Variants in IDH1 observed in about 807,000 individuals in gnomAD.
The protein encoded by IDH1 is isocitrate dehydrogenase (NADP(+)) 1.
A neutral mutation model predicts 46.1 loss-of-function variants in IDH1; 33 were observed. The ratio of observed to expected loss-of-function variants is 0.72; its 90% CI spans 0.54 to 0.96. The LOEUF is 0.96. Ranked by LOEUF, IDH1 falls within the 40% of genes least tolerant of loss-of-function variation. The probability of loss-of-function intolerance (pLI) is 0.00; values close to 1 mark genes in which losing one functional copy is unlikely to be tolerated. For missense variants in IDH1, 421 were observed against 515.7 expected (o/e 0.82, Z 1.78); for synonymous variants, 144 against 172.8 (o/e 0.83, Z 1.31).
intron 9 of IDH1, 134 bp downstream of exon 9, chr2:208,238,937 A>G: frequency 2.4e-6 from 2 of 829,384 alleles, no homozygotes; most frequent in Admixed American, 4.1e-5. Flanking sequence ...CTATCTGACA[A>G]TTTACAGATA....
Position 208,246,139 on chromosome 2 carries a change from G to A in IDH1, c.415-715C>T, listed in dbSNP as rs571368383. On this transcript the variant is annotated intron_variant, in intron 4 of 9. Transcript: ENST00000345146. ...ATGGAGCAATCAAATCATTCTGGGAGCAGCTACAATGGGATGATGATGATT... is the reference window on the plus strand; with the variant it reads ...ATGGAGCAATCAAATCATTCTGGGAACAGCTACAATGGGATGATGATGATT... Among the ~76,000 whole-genome samples, 4 of 152,272 alleles carry A rather than the reference G, an allele frequency of 2.6e-5. No individual in the cohort carries two copies. In the South Asian group the frequency reaches 8.3e-4, roughly 32 times the overall value.
At chr2:208,240,184 G>A in intron 7 of IDH1, 181 bp from the exon 8 acceptor site, 1 of 675,094 alleles carries the variant, frequency 1.5e-6, no homozygotes, top group Non-Finnish European at 2.7e-6. Context: ...AGATATCAGA[G>A]CCAATGGGTC....
intron 2 of IDH1, among the ~76,000 whole-genome samples, chr2:208,251,855 A>G (rs1688131803): frequency 6.6e-6 from 1 of 150,810 alleles, no homozygotes; most frequent in Non-Finnish European, 1.5e-5. Context: ...TACTTTGTTA[A>G]AAAAAAAAGA....
intron 1 of IDH1, 84 bp from the exon 2 acceptor site, chr2:208,254,043 C>A (rs1688169699): frequency 6.6e-6 from 1 of 152,152 alleles, no homozygotes; most frequent in African/African-American, 2.4e-5. Context: ...GCCAGACAGC[C>A]CAGTTTATCC....
At chr2:208,245,473 G>T in intron 4 of IDH1, 49 bp from the exon 5 acceptor site, 1 of 974,154 alleles carries the variant, frequency 1.0e-6, no homozygotes, top group Non-Finnish European at 1.7e-6. Context: ...ACCCTAGCAG[G>T]AATTGTAAGG....
At position 208,239,952 on chromosome 2, in the gene IDH1, T is replaced by C; in HGVS notation, c.902A>G (p.Lys301Arg). ...GTGGGCAGCCTCTGCTTCTACTGTC[T>C]TGCCATCTGGACAAACCAGCACGCT... ...MTSVLVCPDG[K>R]TVEAEAAHGT... is the part of the protein sequence containing the mutation. Residue 301 changes from lysine (K) to arginine (R), a missense_variant, in exon 8 of 10, where the codon AAG (lysine) becomes AGG (arginine). Physicochemically the swap from Lys to Arg is conservative, Grantham distance 26 (BLOSUM62 2). Transcript: ENST00000345146. 1 of 1,614,182 alleles carries C rather than the reference T, an allele frequency of 6.2e-7. No individual in the cohort carries two copies. The highest frequency in any genetic ancestry group is 8.5e-7 in the Non-Finnish European group (1 of 1,180,022).
chr2:208,240,240 C>T (rs1379536076), intron 7 of IDH1: 6 of 552,066 alleles, frequency 1.1e-5, no homozygotes, highest in African/African-American at 5.6e-5. Context: ...GATACCTACT[C>T]CTTGATGGAG....
chr2:208,247,548 G>C (rs1322010209), intron 4 of IDH1: 2 of 152,280 alleles, frequency 1.3e-5, no homozygotes, highest in African/African-American at 4.8e-5. Flanking sequence ...GGATCCTCAG[G>C]CCTCAGCCTT....
intron 9 of IDH1, among the ~76,000 whole-genome samples, chr2:208,237,772 A>G (rs1687840665): frequency 6.7e-6 from 1 of 150,024 alleles, no homozygotes; most frequent in African/African-American, 2.4e-5. Flanking sequence ...TACAAAAAAA[A>G]AAAAAAAAAA....
chr2:208,243,646 T>C (rs972352168), intron 5 of IDH1, 42 bp from the exon 6 acceptor site: 1 of 1,509,802 alleles, frequency 6.6e-7, no homozygotes, highest in Non-Finnish European at 9.2e-7. Context: ...GGGAGAAGAA[T>C]AAATGTAATG....
At chr2:208,237,335 G>T (rs555920144) in intron 9 of IDH1, among the ~76,000 whole-genome samples, 166 bp from the exon 10 acceptor site, 1 of 152,082 alleles carries the variant, frequency 6.6e-6, no homozygotes, top group South Asian at 2.1e-4. Flanking sequence ...CTATGTTCAG[G>T]GTTCCTGGGG....
chr2:208,237,492 T>C (rs1340836724), intron 9 of IDH1, among the ~76,000 whole-genome samples: 1 of 152,174 alleles, frequency 6.6e-6, no homozygotes, highest in East Asian at 1.9e-4. Flanking sequence ...ACCAAAATCA[T>C]CACACTTCTT....
chr2:208,242,905 G>C (rs927533693), intron 6 of IDH1, among the ~76,000 whole-genome samples: 1 of 151,826 alleles, frequency 6.6e-6, no homozygotes, highest in Non-Finnish European at 1.5e-5. Context: ...ACTGGGACTA[G>C]AGGCGCCCGC....
intron 5 of IDH1, 86 bp downstream of exon 5, chr2:208,245,233 C>A: frequency 1.3e-6 from 1 of 778,298 alleles, no homozygotes; most frequent in South Asian, 1.5e-5. Context: ...TTTAGGCAGT[C>A]ACATAACTAA....
rs1687995985 is a variant in IDH1 at position 208,245,354 on chromosome 2, G to C, written c.485C>G (p.Thr162Ser). The stretch of plus-strand genomic sequence containing the variant: ...ATGTACCAGGTATGTCACCTTTTGG[G>C]TTCCGTCACTTGGTGTGTAGGTTAT... ...VEITYTPSDGTQKVTYLVHNF... is the reference protein window; with the variant it reads ...VEITYTPSDGSQKVTYLVHNF... Residue 162 changes from threonine (T) to serine (S), a missense_variant, in exon 5 of 10, where the codon ACC (threonine) becomes AGC (serine). By Grantham distance (58) the Thr-to-Ser change is moderately conservative. Transcript: ENST00000345146. 6.2e-7 allele frequency: 1 copy of C among 1,610,532 alleles called. No individual in the cohort carries two copies. Among genetic ancestry groups the C allele is most frequent in the Non-Finnish European group, 8.5e-7 (1 of 1,177,734 alleles).
rs1412197312 is a variant in IDH1, at chr2:208,248,528, C to T, written c.255G>A (p.Glu85=). 3 of 1,614,080 alleles carry T rather than the reference C, an allele frequency of 1.9e-6. No homozygotes were observed. The African/African-American group carries it at 4.0e-5, about 22-fold the overall frequency. Residue 85 remains glutamate (E), a synonymous_variant, in exon 4 of 10, where the codon GAG becomes GAA. Transcript: ENST00000345146. ...ATTTCCACATTTGTTTCAACTTGAA[C>T]TCCTCAACCCTCTTCTCATCAGGAG... ...TITPDEKRVE[E]FKLKQMWKSP...
chr2:208,243,391 A>G (rs1465347878), intron 6 of IDH1, 36 bp downstream of exon 6: 1 of 1,482,728 alleles, frequency 6.7e-7, no homozygotes, highest in Non-Finnish European at 9.4e-7. Flanking sequence ...AGCTTACTTG[A>G]GAATAAAGAA....
chr2:208,249,980 GA>G (rs1442073919), intron 3 of IDH1, among the ~76,000 whole-genome samples: 1 of 152,110 alleles, frequency 6.6e-6, no homozygotes, highest in Non-Finnish European at 1.5e-5. Context: ...AAGAAGATAA[GA>G]AAGGAAGGAA....
intron 5 of IDH1, 63 bp from the exon 6 acceptor site, chr2:208,243,667 A>G: frequency 6.6e-6 from 9 of 1,372,660 alleles, no homozygotes; most frequent in Non-Finnish European, 7.2e-6. Flanking sequence ...TAGTTGTAAT[A>G]AGGCTAAAAT....
Sources: gnomAD v4.1 joint callset for allele counts (sites outside exome capture counted in the v4.1 genomes callset) on GRCh38, gnomAD v4.1.1 for gene constraint, MANE v1.5 for transcripts, NCBI Gene and HGNC (gene_info 2026-07-23, HGNC 2026-07-21) for gene names.